Variants in KIAA0319L observed in about 807,000 individuals in gnomAD.
The protein encoded by KIAA0319L is KIAA0319 like, also known as dyslexia-associated protein KIAA0319-like protein.
KIAA0319L carries 55 observed loss-of-function variants against 120.1 expected under a neutral mutation model. That is an observed-to-expected ratio of 0.46 (90% CI 0.37 to 0.57). The LOEUF (loss-of-function observed/expected upper bound fraction) is 0.57. Ranked by LOEUF, KIAA0319L falls within the 20% of genes least tolerant of loss-of-function variation. KIAA0319L has a pLI of 0.00. For missense variants in KIAA0319L, 1,049 were observed against 1,255.3 expected (o/e 0.84, Z 2.48); for synonymous variants, 398 against 471.9 (o/e 0.84, Z 2.03).
Position 35,491,388 on chromosome 1 carries a change from C to T in KIAA0319L, c.667-12176G>A, listed in dbSNP as rs181228464. Among the ~76,000 whole-genome samples the T allele has an allele frequency of 8.3e-4, 126 of 152,126 alleles. 1 individual carries two copies. Among genetic ancestry groups the T allele is most frequent in the Non-Finnish European group, 1.2e-3 (83 of 67,996 alleles). ...CCCAAGCACATGAAACATAAAATTA[C>T]GCCATAGAATAACATAATCAAATCG... is the stretch of plus-strand genomic sequence containing the variant. On this transcript the variant is annotated intron_variant, in intron 3 of 20. Transcript: ENST00000325722.
At chr1:35,458,875 C>T (rs929632145) in intron 9 of KIAA0319L, among the ~76,000 whole-genome samples, 5 of 151,836 alleles carry the variant, frequency 3.3e-5, no homozygotes, top group Admixed American at 2.0e-4. Context: ...CCATTTTAAG[C>T]GACGTAGAAG....
intron 7 of KIAA0319L, among the ~76,000 whole-genome samples, chr1:35,463,025 C>T (rs1643005819): frequency 6.6e-6 from 1 of 152,178 alleles, no homozygotes; most frequent in African/African-American, 2.4e-5. Context: ...CTGTGAGAAT[C>T]TAATGCCATC....
At chr1:35,521,498 G>C (rs975714064) in intron 2 of KIAA0319L, among the ~76,000 whole-genome samples, 4 of 151,394 alleles carry the variant, frequency 2.6e-5, no homozygotes, top group Non-Finnish European at 5.9e-5. Flanking sequence ...GTTGGGCATG[G>C]TGGTGGGCAC....
intron 7 of KIAA0319L, among the ~76,000 whole-genome samples, chr1:35,463,053 CAG>C (rs1436743827): frequency 6.6e-6 from 1 of 152,168 alleles, no homozygotes; most frequent in East Asian, 1.9e-4. Flanking sequence ...TGACAGGAGG[CAG>C]AGCTCAGGCA....
At chr1:35,450,863 G>A (rs542703121) in intron 13 of KIAA0319L, among the ~76,000 whole-genome samples, 1 of 152,274 alleles carries the variant, frequency 6.6e-6, no homozygotes, top group East Asian at 1.9e-4. Flanking sequence ...TGGAGTTTAG[G>A]TTTCACCTAG....
intron 2 of KIAA0319L, among the ~76,000 whole-genome samples, chr1:35,539,177 A>C (rs1450804865): frequency 2.0e-5 from 3 of 152,226 alleles, no homozygotes; most frequent in African/African-American, 7.2e-5. Flanking sequence ...TGACAGAGGC[A>C]GCCATGCTGC....
intron 2 of KIAA0319L, chr1:35,533,433 G>A (rs1558621655): frequency 6.6e-6 from 1 of 152,100 alleles, no homozygotes; most frequent in Non-Finnish European, 1.5e-5. Flanking sequence ...CTCTTCGGTG[G>A]GGTTTTCGCT....
At position 35,492,789 on chromosome 1, in the gene KIAA0319L, C is replaced by T. The variant is rs1037751842; in HGVS notation, c.667-13577G>A. Among the ~76,000 whole-genome samples the T allele has an allele frequency of 6.6e-5, 10 of 152,172 alleles. No homozygotes were observed. The South Asian group carries it at 1.2e-3, about 19-fold the overall frequency. On this transcript the variant is annotated intron_variant, in intron 3 of 20. Coordinates refer to ENST00000325722, the MANE Select transcript of KIAA0319L (RefSeq NM_024874.5). ...CAAAAAACCTACAGCTAACATCAGACTTATAGCTGACTTACAGACTTGTTG... is the reference window on the plus strand; with the variant it reads ...CAAAAAACCTACAGCTAACATCAGATTTATAGCTGACTTACAGACTTGTTG...
chr1:35,527,272 G>A (rs575479299), intron 2 of KIAA0319L, among the ~76,000 whole-genome samples: 1 of 152,226 alleles, frequency 6.6e-6, no homozygotes, highest in Non-Finnish European at 1.5e-5. Flanking sequence ...TTGATGTGCT[G>A]TTGAATTTGT....
At chr1:35,459,049 G>T (rs1410080703) in intron 9 of KIAA0319L, among the ~76,000 whole-genome samples, 1 of 152,132 alleles carries the variant, frequency 6.6e-6, no homozygotes, top group African/African-American at 2.4e-5. Flanking sequence ...GTTAATCTCA[G>T]ATTCATGGGA....
Position 35,466,612 on chromosome 1 carries a change from C to T in KIAA0319L, c.1197G>A (p.Lys399=). Residue 399 remains lysine (K), a synonymous_variant, in exon 7 of 21, where the codon AAG becomes AAA. Coordinates refer to ENST00000325722, the MANE Select transcript of KIAA0319L (RefSeq NM_024874.5). ...CAGCCAGGGCTGAAAACATACCTGG[C>T]TTGACTGTCACGTTCACATAGCCTT... ...HGEGYVNVTV[K]PEPRKNRPPI... The T allele has an allele frequency of 6.2e-7, 1 of 1,610,968 alleles. No individual in the cohort carries two copies. The highest frequency in any genetic ancestry group is 8.5e-7 in the Non-Finnish European group (1 of 1,177,302).
At chr1:35,455,654 C>A (rs1163322428) in intron 10 of KIAA0319L, among the ~76,000 whole-genome samples, 1 of 144,120 alleles carries the variant, frequency 6.9e-6, no homozygotes, top group Non-Finnish European at 1.5e-5. Flanking sequence ...GATCTCGGCT[C>A]ACTGCAACCT....
At chr1:35,518,825 G>C in intron 2 of KIAA0319L, among the ~76,000 whole-genome samples, 1 of 152,022 alleles carries the variant, frequency 6.6e-6, no homozygotes, top group East Asian at 1.9e-4. Context: ...CCAACATAGT[G>C]AAACCTTGTC....
intron 20 of KIAA0319L, among the ~76,000 whole-genome samples, chr1:35,436,870 C>G (rs957658575): frequency 6.6e-6 from 1 of 152,136 alleles, no homozygotes; most frequent in Non-Finnish European, 1.5e-5. Context: ...CCCAACGGAC[C>G]CACTCAGTTT....
intron 2 of KIAA0319L, among the ~76,000 whole-genome samples, chr1:35,553,387 T>C (rs1458502928): frequency 6.7e-6 from 1 of 150,274 alleles, no homozygotes; most frequent in Non-Finnish European, 1.5e-5. Context: ...ATCAGCTTTC[T>C]GTCAAGTACA....
At position 35,554,516 on chromosome 1, in the gene KIAA0319L, T is replaced by A. The variant is rs758064021; in HGVS notation, c.-25A>T. 1 of 1,564,236 alleles carries A rather than the reference T, an allele frequency of 6.4e-7. No homozygotes were observed. Among genetic ancestry groups the A allele is most frequent in the South Asian group, 1.2e-5 (1 of 83,360 alleles). On this transcript the variant is annotated 5_prime_UTR_variant, in exon 2 of 21. Coordinates refer to ENST00000325722, the MANE Select transcript of KIAA0319L (RefSeq NM_024874.5). ...TGGCCCTCCAGACAGGCAGAACCAG[T>A]ACACTAGAAGGACAGAAAGAGAAGA... is the stretch of plus-strand genomic sequence containing the variant.
At chr1:35,554,716 G>T in intron 1 of KIAA0319L, 197 bp from the exon 2 acceptor site, 1 of 379,000 alleles carries the variant, frequency 2.6e-6, no homozygotes, top group Non-Finnish European at 4.7e-6. Context: ...ACACAGCAAG[G>T]GATATCAAAT....
intron 3 of KIAA0319L, among the ~76,000 whole-genome samples, chr1:35,480,158 A>G (rs141013436): frequency 5.4e-4 from 82 of 152,288 alleles, no homozygotes; most frequent in African/African-American, 1.9e-3. Context: ...TGTAGGCACA[A>G]AAAATGAAAT....
intron 19 of KIAA0319L, 138 bp from the exon 20 acceptor site, chr1:35,441,276 G>C: frequency 2.8e-6 from 2 of 721,138 alleles, no homozygotes; most frequent in South Asian, 3.4e-5. Flanking sequence ...TTCTCAGCCA[G>C]GAAAGGTGGC....
Sources: gnomAD v4.1 joint callset for allele counts (sites outside exome capture counted in the v4.1 genomes callset) on GRCh38, gnomAD v4.1.1 for gene constraint, MANE v1.5 for transcripts, NCBI Gene and HGNC (gene_info 2026-07-23, HGNC 2026-07-21) for gene names.